Variants in SLC15A5 observed in about 807,000 individuals in gnomAD.
SLC15A5 encodes the protein Peptide/histidine transporter ENSP00000340402.
In SLC15A5, 58 loss-of-function variants were observed where a neutral mutation model predicts 56.1. That is an observed-to-expected ratio of 1.03 (90% CI 0.84 to 1.29). The LOEUF (loss-of-function observed/expected upper bound fraction) is 1.29, where lower values mean the gene tolerates loss of function less well. Among genes scored for constraint, SLC15A5 ranks in the 50% most tolerant of loss-of-function variants. SLC15A5 has a pLI of 0.00. For synonymous variants in SLC15A5, 264 were observed against 250.5 expected, an observed-to-expected ratio of 1.05 and a Z score of -0.51; for missense variants, 681 against 672.1, an observed-to-expected ratio of 1.01 and a Z score of -0.15.
chr12:16,215,385 G>A (rs10772908), intron 7 of SLC15A5, among the ~76,000 whole-genome samples: 84,501 of 151,834 alleles, frequency 0.56, 23,797 homozygotes, highest in South Asian at 0.74. Context: ...TATGTCAAAT[G>A]TGATTTGATT....
Position 16,235,274 on chromosome 12 carries a change from ATATATATG to A in SLC15A5, c.1162+4399_1162+4406del, listed in dbSNP as rs1000877390. Reference sequence around the variant, plus strand: ...TATATGTGTATATATATGTATATGTATATATATGTATATATGTATATGTATATGTATAT... The same window carrying A: ...TATATGTGTATATATATGTATATGTATATATATGTATATGTATATGTATAT... On this transcript the variant is annotated intron_variant, in intron 5 of 8. Coordinates refer to ENST00000344941, the MANE Select transcript of SLC15A5 (RefSeq NM_001170798.1). This position sits in a 1 kb window ranked among gnomAD's most constrained non-coding sequence, Gnocchi z 4.1. Among the ~76,000 whole-genome samples the A allele has an allele frequency of 7.9e-6, 1 of 126,514 alleles. No individual in the cohort carries two copies. The highest frequency in any genetic ancestry group is 8.1e-5 in the Admixed American group (1 of 12,304). 83.0% of individuals were successfully genotyped at this position (126,514 alleles called of 152,430 possible).
intron 6 of SLC15A5, among the ~76,000 whole-genome samples, chr12:16,218,736 C>T (rs137976232): frequency 2.2e-3 from 341 of 152,242 alleles, no homozygotes; most frequent in Admixed American, 4.1e-3. Context: ...AATGTTGTTA[C>T]GTGTTGCATG....
At chr12:16,249,343 T>C (rs1053605187) in intron 3 of SLC15A5, among the ~76,000 whole-genome samples, 1 of 152,094 alleles carries the variant, frequency 6.6e-6, no homozygotes. Flanking sequence ...ATTTCCAATT[T>C]AGTCATCAGA....
intron 7 of SLC15A5, among the ~76,000 whole-genome samples, chr12:16,209,018 C>G (rs1249901649): frequency 3.8e-5 from 2 of 53,178 alleles, no homozygotes; most frequent in East Asian, 1.8e-3. Context: ...AAACATGATG[C>G]CTTTTTTTTT....
At chr12:16,275,631 G>A (rs1864809758) in intron 1 of SLC15A5, among the ~76,000 whole-genome samples, 1 of 151,960 alleles carries the variant, frequency 6.6e-6, no homozygotes. Flanking sequence ...GAAATTTAGT[G>A]ACAGTTGGAA....
intron 3 of SLC15A5, among the ~76,000 whole-genome samples, chr12:16,248,145 G>T (rs1864481318): frequency 6.6e-6 from 1 of 152,104 alleles, no homozygotes; most frequent in African/African-American, 2.4e-5. Flanking sequence ...AAGCTGGTGT[G>T]TAGTTAGCTG....
At chr12:16,230,081 TGA>T (rs1864281796) in intron 5 of SLC15A5, among the ~76,000 whole-genome samples, 2 of 151,622 alleles carry the variant, frequency 1.3e-5, no homozygotes. Flanking sequence ...CTGAAGTAGA[TGA>T]GAGAGAGAAA....
rs1045516169 is a variant in SLC15A5 at position 16,196,400 on chromosome 12, G to T, written c.1484-1947C>A. Among the ~76,000 whole-genome samples, 1 of 152,086 alleles carries T rather than the reference G, an allele frequency of 6.6e-6. No individual in the cohort carries two copies. The highest frequency in any genetic ancestry group is 1.5e-5 in the Non-Finnish European group (1 of 68,008). ...TGCTTTTGTGTGTGTGCATGTGTGTGTGTGTGCCCGTGCATGTGTGCACAC... is the reference window on the plus strand; with the variant it reads ...TGCTTTTGTGTGTGTGCATGTGTGTTTGTGTGCCCGTGCATGTGTGCACAC... On this transcript the variant is annotated intron_variant, in intron 7 of 8. Coordinates refer to ENST00000344941, the MANE Select transcript of SLC15A5 (RefSeq NM_001170798.1). The surrounding 1 kb of genome is among the most constrained non-coding windows in gnomAD (Gnocchi z 4.0).
At chr12:16,259,902 G>C (rs7300358) in intron 2 of SLC15A5, among the ~76,000 whole-genome samples, 5 of 150,100 alleles carry the variant, frequency 3.3e-5, no homozygotes, top group African/African-American at 1.2e-4. Context: ...CCACCCGGGC[G>C]GGGGGTAAGT....
chr12:16,223,861 C>G (rs954349039), intron 6 of SLC15A5, among the ~76,000 whole-genome samples: 2 of 151,962 alleles, frequency 1.3e-5, no homozygotes, highest in East Asian at 1.9e-4. Flanking sequence ...GGACTACAGG[C>G]GCCTGCCACC....
At chr12:16,229,164 A>C (rs1864271143) in intron 5 of SLC15A5, among the ~76,000 whole-genome samples, 1 of 152,224 alleles carries the variant, frequency 6.6e-6, no homozygotes, top group Non-Finnish European at 1.5e-5. Flanking sequence ...TGTAAATTGA[A>C]TATTACTCTT....
chr12:16,240,572 A>C (rs1014503244), intron 4 of SLC15A5, among the ~76,000 whole-genome samples: 2 of 152,118 alleles, frequency 1.3e-5, no homozygotes, highest in Non-Finnish European at 2.9e-5. Context: ...ATTTTTTTAA[A>C]AAAAAACCCT....
chr12:16,266,460 A>G (rs1864697277), intron 2 of SLC15A5, among the ~76,000 whole-genome samples: 2 of 152,232 alleles, frequency 1.3e-5, no homozygotes, highest in African/African-American at 4.8e-5. Context: ...CAAAAATTAT[A>G]GTACTGAATA....
chr12:16,219,693 C>T (rs919692597), intron 6 of SLC15A5, among the ~76,000 whole-genome samples: 6 of 152,088 alleles, frequency 3.9e-5, no homozygotes, highest in Non-Finnish European at 8.8e-5. Flanking sequence ...GTCCTCGAAT[C>T]TTCATTTTTA....
At chr12:16,264,332 G>A (rs557228626) in intron 2 of SLC15A5, among the ~76,000 whole-genome samples, 1 of 152,260 alleles carries the variant, frequency 6.6e-6, no homozygotes, top group South Asian at 2.1e-4. Context: ...CCTTTGTTTT[G>A]GCTAATTTCT....
chr12:16,240,099 C>A (rs1864398657), intron 4 of SLC15A5, among the ~76,000 whole-genome samples: 1 of 152,164 alleles, frequency 6.6e-6, no homozygotes, highest in South Asian at 2.1e-4. Flanking sequence ...ACTCTATCAT[C>A]ATTTAGTCTC....
intron 7 of SLC15A5, among the ~76,000 whole-genome samples, chr12:16,207,878 C>T (rs1864036554): frequency 6.6e-6 from 1 of 152,140 alleles, no homozygotes; most frequent in Admixed American, 6.5e-5. Flanking sequence ...GTCTCGAACT[C>T]CTGACCTCAG....
rs986918521 is a variant in SLC15A5, at chr12:16,271,480, T to C, written c.584+1081A>G. ...AGGAAGTAAAGAGTCCCTTCTACCT[T>C]TGGTAAGACTGCATTGTTCTCTGAC... On this transcript the variant is annotated intron_variant, in intron 2 of 8. Transcript: ENST00000344941. The surrounding 1 kb of genome is among the most constrained non-coding windows in gnomAD (Gnocchi z 8.0). 3.9e-5 allele frequency among the ~76,000 whole-genome samples: 6 copies of C among 152,110 alleles called. No homozygotes were observed. The highest frequency in any genetic ancestry group is 8.8e-5 in the Non-Finnish European group (6 of 68,028).
intron 2 of SLC15A5, among the ~76,000 whole-genome samples, chr12:16,259,673 T>G (rs1374164566): frequency 6.6e-6 from 1 of 152,218 alleles, no homozygotes; most frequent in Non-Finnish European, 1.5e-5. Context: ...TCAGACTTGT[T>G]GCTGTGTGAG....
Sources: gnomAD v4.1 joint callset for allele counts (sites outside exome capture counted in the v4.1 genomes callset) on GRCh38, gnomAD v4.1.1 for gene constraint, Gnocchi (gnomAD v3.1) non-coding constraint, MANE v1.5 for transcripts, NCBI Gene and HGNC (gene_info 2026-07-23, HGNC 2026-07-21) for gene names.